The following SEMA5B variants were observed in gnomAD, a reference collection of about 807,000 sequenced individuals.
SEMA5B encodes the protein semaphorin-5B.
In SEMA5B, 66 loss-of-function variants were observed where a neutral mutation model predicts 135.0. That is an observed-to-expected ratio of 0.49 (90% CI 0.40 to 0.60). SEMA5B has a LOEUF of 0.60. Among genes scored for constraint, SEMA5B ranks in the 20% least tolerant of loss-of-function variants. The pLI is 0.00. For missense variants in SEMA5B, 1,501 were observed against 1,566.3 expected, an observed-to-expected ratio of 0.96 and a Z score of 0.70; for synonymous variants, 690 against 639.5, an observed-to-expected ratio of 1.08 and a Z score of -1.19.
chr3:123,019,682 T>C (rs779092734), intron 1 of SEMA5B, among the ~76,000 whole-genome samples: 8 of 152,226 alleles, frequency 5.3e-5, no homozygotes, highest in Non-Finnish European at 7.3e-5. Context: ...GGCCGTTGTA[T>C]AGTAACAACT....
intron 8 of SEMA5B, 142 bp from the exon 9 acceptor site, chr3:122,926,819 C>CTA: frequency 1.2e-6 from 1 of 859,578 alleles, no homozygotes; most frequent in Non-Finnish European, 1.8e-6. Flanking sequence ...CCTGGGGGCC[C>CTA]TAACTAACTC....
intron 1 of SEMA5B, among the ~76,000 whole-genome samples, chr3:123,009,701 C>T (rs1366900144): frequency 1.3e-5 from 2 of 152,200 alleles, no homozygotes; most frequent in Non-Finnish European, 2.9e-5. Flanking sequence ...GACCTCTGGT[C>T]CTCACCCTAC....
chr3:122,913,780 G>C, intron 15 of SEMA5B, 78 bp downstream of exon 15: 1 of 1,567,828 alleles, frequency 6.4e-7, no homozygotes, highest in Non-Finnish European at 8.7e-7. Context: ...GAGTCCCCGG[G>C]ATCACGAGGA....
intron 1 of SEMA5B, among the ~76,000 whole-genome samples, chr3:122,996,827 C>T (rs1161036612): frequency 6.6e-6 from 1 of 152,220 alleles, no homozygotes; most frequent in Non-Finnish European, 1.5e-5. Flanking sequence ...CCTGCCCAGC[C>T]CCCATGAGGA....
At chr3:122,922,654 G>C (rs76798922) in intron 10 of SEMA5B, among the ~76,000 whole-genome samples, 11,648 of 152,328 alleles carry the variant, frequency 0.076, 499 homozygotes, top group Middle Eastern at 0.15. Context: ...GGAGACTGGG[G>C]AGATGGGGAA....
chr3:122,923,866 A>G, intron 9 of SEMA5B, 114 bp from the exon 10 acceptor site: 2 of 1,203,938 alleles, frequency 1.7e-6, no homozygotes, highest in Non-Finnish European at 1.2e-6. Context: ...AGCATCTATG[A>G]TGTGTCTGGC....
chr3:122,932,833 C>T (rs1019515783), intron 5 of SEMA5B, among the ~76,000 whole-genome samples: 7 of 152,280 alleles, frequency 4.6e-5, no homozygotes, highest in South Asian at 4.1e-4. Flanking sequence ...ATCCTCTTGC[C>T]TCAGCCTTCC....
intron 4 of SEMA5B, 96 bp downstream of exon 4, chr3:122,943,340 G>T (rs562589231): frequency 2.5e-5 from 20 of 808,800 alleles, no homozygotes; most frequent in Non-Finnish European, 3.8e-5. Flanking sequence ...GGCCCAGCAC[G>T]CGGGGCTGCC....
chr3:122,928,723 C>G (rs1938781387), intron 6 of SEMA5B, 108 bp from the exon 7 acceptor site: 1 of 863,702 alleles, frequency 1.2e-6, no homozygotes, highest in South Asian at 1.7e-5. Context: ...TCTAAACACT[C>G]CCCTTGACCC....
At chr3:122,965,813 C>T (rs145475291) in intron 1 of SEMA5B, among the ~76,000 whole-genome samples, 1,686 of 152,298 alleles carry the variant, frequency 0.011, 109 homozygotes, top group Admixed American at 0.098. Context: ...CTGCTCAGAG[C>T]GCCTCCCAAT....
intron 2 of SEMA5B, among the ~76,000 whole-genome samples, chr3:122,959,735 T>A (rs1940492161): frequency 6.6e-6 from 1 of 152,178 alleles, no homozygotes; most frequent in Admixed American, 6.5e-5. Flanking sequence ...CCCTGCCTCA[T>A]AGAGTAGTAG....
chr3:123,015,533 C>T (rs1228449044), intron 1 of SEMA5B, among the ~76,000 whole-genome samples: 1 of 152,100 alleles, frequency 6.6e-6, no homozygotes, highest in African/African-American at 2.4e-5. Flanking sequence ...GATGAAGAGA[C>T]AAGCCAGAGG....
intron 9 of SEMA5B, among the ~76,000 whole-genome samples, chr3:122,924,923 TCACCC>T (rs1401202948): frequency 6.6e-6 from 1 of 152,218 alleles, no homozygotes; most frequent in East Asian, 1.9e-4. Context: ...TTAATATCCA[TCACCC>T]TGTTTAAGCT....
At chr3:122,911,818 G>C in intron 20 of SEMA5B, 102 bp downstream of exon 20, 1 of 1,371,998 alleles carries the variant, frequency 7.3e-7, no homozygotes. Context: ...GTTTCATCCT[G>C]TGCCCCCTGC....
chr3:123,013,341 A>G lies in SEMA5B; in HGVS notation c.-39+14123T>C, dbSNP rs72972455. On this transcript the variant is annotated intron_variant, in intron 1 of 22. Transcript: ENST00000357599. ...CTCACAACACCCGCCCGCTTCTGCA[A>G]ACTGCTGAGTCCTGGGCTCCAGCTC... Among the ~76,000 whole-genome samples, 1,441 of 152,310 alleles carry G rather than the reference A, an allele frequency of 9.5e-3. 30 individuals carry two copies. Among genetic ancestry groups the G allele is most frequent in the African/African-American group, 0.032 (1,340 of 41,580 alleles).
Position 122,966,857 on chromosome 3 carries a change from C to CTAT in SEMA5B, c.-38-5559_-38-5557dup, listed in dbSNP as rs1553778809. The stretch of plus-strand genomic sequence containing the variant: ...ACAGGCGTGAGCCACCACACCCGGC[C>CTAT]TATTACTATTATTATTATTATTATT... On this transcript the variant is annotated intron_variant, in intron 1 of 22. Coordinates refer to ENST00000357599, the MANE Select transcript of SEMA5B (RefSeq NM_001031702.4). 5.1e-3 allele frequency among the ~76,000 whole-genome samples: 450 copies of CTAT among 88,174 alleles called. 9 individuals are homozygous for CTAT. The highest frequency in any genetic ancestry group is 0.011 in the African/African-American group (158 of 13,834). 57.8% of individuals were successfully genotyped at this position (88,174 alleles called of 152,430 possible). A position where few individuals can be genotyped will look rare whatever the true frequency, so the allele number is the denominator to read the frequency against.
intron 1 of SEMA5B, among the ~76,000 whole-genome samples, chr3:123,007,179 C>A (rs568617906): frequency 6.6e-6 from 1 of 152,106 alleles, no homozygotes; most frequent in Non-Finnish European, 1.5e-5. Context: ...TTGCTCTTGC[C>A]CCCTTCCTTC....
intron 9 of SEMA5B, among the ~76,000 whole-genome samples, chr3:122,924,820 CTTT>C (rs1323058557): frequency 1.3e-5 from 2 of 152,318 alleles, no homozygotes; most frequent in East Asian, 3.9e-4. Flanking sequence ...CTACAGGAAG[CTTT>C]CCCTGATCAC....
rs555720000 is a variant in SEMA5B at position 123,016,917 on chromosome 3, G to A, written c.-39+10547C>T. 1.0e-4 allele frequency among the ~76,000 whole-genome samples: 13 copies of A among 125,284 alleles called. No homozygotes were observed. In the East Asian group the frequency reaches 2.5e-3, roughly 24 times the overall value. 82.2% of individuals were successfully genotyped at this position (125,284 alleles called of 152,430 possible). ...TTTTTTTTTTTTTTTTTTTTGAGAC[G>A]CAGTCACTTTGTCACCCAGGCTGAA... On this transcript the variant is annotated intron_variant, in intron 1 of 22. Transcript: ENST00000357599.
Sources: allele counts gnomAD v4.1 joint callset (sites outside exome capture counted in the v4.1 genomes callset), GRCh38; gene constraint gnomAD v4.1.1; transcripts MANE v1.5; gene names NCBI Gene and HGNC (gene_info 2026-07-23, HGNC 2026-07-21).